Variants in SLC44A3 observed in about 807,000 individuals in gnomAD.
SLC44A3 encodes choline transporter-like protein 3.
SLC44A3 carries 74 observed loss-of-function variants against 75.4 expected under a neutral mutation model. That is an observed-to-expected ratio of 0.98 (90% CI 0.81 to 1.19). The LOEUF (loss-of-function observed/expected upper bound fraction) is 1.19, where lower values mean the gene tolerates loss of function less well. Among genes scored for constraint, SLC44A3 ranks in the 50% most tolerant of loss-of-function variants. The probability of loss-of-function intolerance (pLI) is 0.00; values close to 1 mark genes in which losing one functional copy is unlikely to be tolerated. For synonymous variants in SLC44A3, 310 were observed against 296.9 expected, an observed-to-expected ratio of 1.04 and a Z score of -0.45; for missense variants, 700 against 778.6, an observed-to-expected ratio of 0.90 and a Z score of 1.20.
chr1:94,851,142 TC>T (rs1205637510), intron 9 of SLC44A3, among the ~76,000 whole-genome samples: 2 of 152,184 alleles, frequency 1.3e-5, no homozygotes, highest in Non-Finnish European at 2.9e-5. Flanking sequence ...CTAAACTGCT[TC>T]CCCAAACTAG....
At chr1:94,867,669 A>G (rs1407985475) in intron 12 of SLC44A3, among the ~76,000 whole-genome samples, 1 of 152,198 alleles carries the variant, frequency 6.6e-6, no homozygotes, top group East Asian at 1.9e-4. Context: ...TGAAATTTGA[A>G]TTTCATATGA....
In SLC44A3 at chr1:94,845,407, A is replaced by G. The variant is rs2101091860; in HGVS notation, c.1015A>G (p.Ile339Val). The G allele has an allele frequency of 1.2e-6, 2 of 1,614,022 alleles. No homozygotes were observed. Among genetic ancestry groups the G allele is most frequent in the East Asian group, 2.2e-5 (1 of 44,886 alleles). ...LLFQPLWTFAILIFFWVLWVA... is the reference protein window; with the variant it reads ...LLFQPLWTFAVLIFFWVLWVA... ...GTTCCAGCCACTGTGGACATTTGCC[A>G]TCCTCATTTTCTTCTGGGTCCTCTG... Residue 339 changes from isoleucine to valine, a missense_variant, in exon 9 of 15, where the codon ATC (isoleucine) becomes GTC (valine). Transcript: ENST00000271227.
chr1:94,879,278 A>T (rs2101594206), intron 12 of SLC44A3, among the ~76,000 whole-genome samples: 1 of 152,154 alleles, frequency 6.6e-6, no homozygotes, highest in African/African-American at 2.4e-5. Context: ...TCACACCTGT[A>T]ATCCCAGCAC....
chr1:94,873,202 G>A lies in SLC44A3; in HGVS notation c.1482+5785G>A, dbSNP rs548591758. Among the ~76,000 whole-genome samples, 260 of 152,326 alleles carry A rather than the reference G, an allele frequency of 1.7e-3. 1 individual carries two copies. The highest frequency in any genetic ancestry group is 5.8e-3 in the African/African-American group (243 of 41,572). ...CTGCCTTGGGCTATCATGCAAGATA[G>A]CTGCGAGCCTGATGGATCTGTGCTG... On this transcript the variant is annotated intron_variant, in intron 12 of 14. Transcript: ENST00000271227.
At chr1:94,871,917 C>A (rs1667801363) in intron 12 of SLC44A3, among the ~76,000 whole-genome samples, 1 of 152,198 alleles carries the variant, frequency 6.6e-6, no homozygotes. Flanking sequence ...AGACATCTAA[C>A]TGCCGAGGCA....
intron 12 of SLC44A3, among the ~76,000 whole-genome samples, chr1:94,880,908 A>G (rs1281372155): frequency 1.3e-5 from 2 of 151,152 alleles, no homozygotes; most frequent in Non-Finnish European, 3.0e-5. Context: ...AATGACAAAA[A>G]AAAAAAAGGC....
At chr1:94,825,810 A>G (rs10874894) in intron 3 of SLC44A3, 448,023 of 456,138 alleles carry the variant, frequency 0.98, 220,472 homozygotes, top group Non-Finnish European at 1. Flanking sequence ...CTAATTACGG[A>G]GCATTTTCTC....
At chr1:94,874,362 T>C (rs1668061032) in intron 12 of SLC44A3, among the ~76,000 whole-genome samples, 1 of 152,182 alleles carries the variant, frequency 6.6e-6, no homozygotes, top group East Asian at 1.9e-4. Context: ...GTTACAAGAC[T>C]CAGGGCTCAG....
intron 9 of SLC44A3, among the ~76,000 whole-genome samples, chr1:94,845,901 C>A (rs577523694): frequency 2.0e-5 from 3 of 152,260 alleles, no homozygotes; most frequent in South Asian, 2.1e-4. Context: ...GTAATCCCAG[C>A]ACTTTGGTAG....
intron 12 of SLC44A3, among the ~76,000 whole-genome samples, chr1:94,869,190 A>T (rs191383930): frequency 6.6e-6 from 1 of 152,320 alleles, no homozygotes; most frequent in African/African-American, 2.4e-5. Flanking sequence ...CTGCCTTCTG[A>T]ACTTTCACCA....
At chr1:94,892,249 A>T in intron 13 of SLC44A3, 32 bp from the exon 14 acceptor site, 1 of 1,586,034 alleles carries the variant, frequency 6.3e-7, no homozygotes, top group Non-Finnish European at 8.6e-7. Context: ...ACTGATTCAT[A>T]AAGATTTTCA....
intron 12 of SLC44A3, among the ~76,000 whole-genome samples, chr1:94,876,132 C>T (rs754878024): frequency 3.9e-5 from 6 of 152,202 alleles, no homozygotes; most frequent in Non-Finnish European, 7.3e-5. Context: ...GGGCCGTCAT[C>T]TGTGATCACA....
chr1:94,835,955 C>CA (rs1244183855), intron 5 of SLC44A3, among the ~76,000 whole-genome samples: 11 of 152,146 alleles, frequency 7.2e-5, no homozygotes, highest in Non-Finnish European at 1.5e-4. Flanking sequence ...AATGTAATTA[C>CA]AAAAAACACC....
intron 12 of SLC44A3, among the ~76,000 whole-genome samples, chr1:94,883,156 A>C (rs1260086651): frequency 6.6e-6 from 1 of 151,660 alleles, no homozygotes; most frequent in Non-Finnish European, 1.5e-5. Context: ...GGCCCACAGC[A>C]GGTGTGTGAA....
In SLC44A3 at chr1:94,829,351, T is replaced by C. The variant is rs116666471; in HGVS notation, c.509+765T>C. ...TAGACTCTGTTAGTTTTTATTGCTC[T>C]AGATATCTTCATAAGAAACAGACCA... is the stretch of plus-strand genomic sequence containing the variant. On this transcript the variant is annotated intron_variant, in intron 5 of 14. Coordinates refer to ENST00000271227, the MANE Select transcript of SLC44A3 (RefSeq NM_001114106.3). Among the ~76,000 whole-genome samples the C allele has an allele frequency of 2.7e-3, 409 of 152,296 alleles. 1 individual carries two copies. The highest frequency in any genetic ancestry group is 4.7e-3 in the Non-Finnish European group (318 of 68,026).
At chr1:94,820,651 G>A in intron 1 of SLC44A3, 173 bp downstream of exon 1, 1 of 1,386,378 alleles carries the variant, frequency 7.2e-7, no homozygotes, top group Non-Finnish European at 9.3e-7. Context: ...CCCTGCTCCA[G>A]TGCTGGGGCG....
intron 9 of SLC44A3, among the ~76,000 whole-genome samples, 182 bp downstream of exon 9, chr1:94,845,646 A>G (rs957836455): frequency 1.3e-5 from 2 of 152,184 alleles, no homozygotes; most frequent in Non-Finnish European, 2.9e-5. Context: ...TACCTCTTCT[A>G]TATTGGTTTT....
intron 4 of SLC44A3, 148 bp downstream of exon 4, chr1:94,827,791 G>GT: frequency 1.1e-6 from 1 of 931,874 alleles, no homozygotes; most frequent in Non-Finnish European, 1.6e-6. Flanking sequence ...GGAAAAGGCC[G>GT]TAAGCATTTT....
intron 9 of SLC44A3, among the ~76,000 whole-genome samples, chr1:94,848,825 A>G (rs1557836988): frequency 6.6e-6 from 1 of 152,190 alleles, no homozygotes; most frequent in East Asian, 1.9e-4. Context: ...TGGGAACACC[A>G]GAACAAGGCC....
Sources: gnomAD v4.1 joint callset for allele counts (sites outside exome capture counted in the v4.1 genomes callset) on GRCh38, gnomAD v4.1.1 for gene constraint, MANE v1.5 for transcripts, NCBI Gene and HGNC (gene_info 2026-07-23, HGNC 2026-07-21) for gene names.